PEX14: variants seen among roughly 807,000 people sequenced by gnomAD.
The protein encoded by PEX14 is peroxisomal membrane protein PEX14.
Under a neutral mutation model 49.5 loss-of-function variants are expected in PEX14, and 15 were observed. That is an observed-to-expected ratio of 0.30 (90% CI 0.20 to 0.47). The LOEUF (loss-of-function observed/expected upper bound fraction) is 0.47. Among genes scored for constraint, PEX14 ranks in the 20% least tolerant of loss-of-function variants. PEX14 has a pLI of 1.00. For missense variants in PEX14, 398 were observed against 494.8 expected (o/e 0.80, Z 1.86); for synonymous variants, 210 against 212.7 (o/e 0.99, Z 0.11).
At chr1:10,556,087 C>T (rs1055831927) in intron 3 of PEX14, among the ~76,000 whole-genome samples, 6 of 152,104 alleles carry the variant, frequency 3.9e-5, no homozygotes, top group African/African-American at 9.7e-5. Context: ...CCACTGAAAC[C>T]GCCTTCTGCA....
At chr1:10,528,407 A>G (rs1231713084) in intron 2 of PEX14, 1 of 392,580 alleles carries the variant, frequency 2.5e-6, no homozygotes, top group Non-Finnish European at 3.5e-6. Flanking sequence ...CCAGTGGTGG[A>G]GAGAAAGAGA....
chr1:10,528,342 C>T lies in PEX14; in HGVS notation c.85-7871C>T, dbSNP rs967207185. The T allele has an allele frequency of 8.3e-6, 8 of 963,526 alleles. No homozygotes were observed. In the African/African-American group the frequency reaches 1.4e-4, roughly 17 times the overall value. 59.7% of individuals were successfully genotyped at this position (963,526 alleles called of 1,614,324 possible). A position where few individuals can be genotyped will look rare whatever the true frequency, so the allele number is the denominator to read the frequency against. On this transcript the variant is annotated intron_variant, in intron 2 of 8. Transcript: ENST00000356607. ...CTGAAGCAGGGTTTCATCTGCTGAG[C>T]ATCTGAAGCTGCTGGAGGTTAGGAG...
intron 3 of PEX14, among the ~76,000 whole-genome samples, chr1:10,562,373 T>A (rs1367633906): frequency 6.6e-6 from 1 of 152,230 alleles, no homozygotes; most frequent in East Asian, 1.9e-4. Context: ...AGAAAAAGAT[T>A]TTTTTCTAGC....
At position 10,587,082 on chromosome 1, in the gene PEX14, C is replaced by T. The variant is rs557252542; in HGVS notation, c.170-12156C>T. 6.8e-4 allele frequency among the ~76,000 whole-genome samples: 103 copies of T among 152,106 alleles called. 2 individuals carry two copies. The South Asian group carries it at 0.017, about 25-fold the overall frequency. ...ATGGTAGTTACATAAGTGTGTTCACCGTGGGAAAATTCATTAAGCTGTACA... is the reference window on the plus strand; with the variant it reads ...ATGGTAGTTACATAAGTGTGTTCACTGTGGGAAAATTCATTAAGCTGTACA... On this transcript the variant is annotated intron_variant, in intron 3 of 8. Coordinates refer to ENST00000356607, the MANE Select transcript of PEX14 (RefSeq NM_004565.3).
At chr1:10,534,304 T>C (rs1174880983) in intron 2 of PEX14, among the ~76,000 whole-genome samples, 1 of 152,136 alleles carries the variant, frequency 6.6e-6, no homozygotes, top group Non-Finnish European at 1.5e-5. Context: ...GGCCAGTGAC[T>C]GGGTACCTGT....
rs987715153 is a variant in PEX14, at chr1:10,536,490, A to C, written c.169+193A>C. On this transcript the variant is annotated intron_variant, in intron 3 of 8. Coordinates refer to ENST00000356607, the MANE Select transcript of PEX14 (RefSeq NM_004565.3). ...TTCCTGACAATGGAGCGGCAAGATG[A>C]CACGATTCGGGTAATTAAGCACGGA... is the stretch of plus-strand genomic sequence containing the variant. 7.1e-4 allele frequency: 433 copies of C among 612,746 alleles called. 1 individual carries two copies. The highest frequency in any genetic ancestry group is 1.3e-4 in the Non-Finnish European group (43 of 335,752). 38.0% of individuals were successfully genotyped at this position (612,746 alleles called of 1,614,324 possible).
chr1:10,543,923 T>G (rs1639094656), intron 3 of PEX14, among the ~76,000 whole-genome samples: 1 of 152,006 alleles, frequency 6.6e-6, no homozygotes, highest in African/African-American at 2.4e-5. Flanking sequence ...GAAACTCTGT[T>G]TGAGGAAGTT....
intron 1 of PEX14, among the ~76,000 whole-genome samples, 167 bp downstream of exon 1, chr1:10,475,169 C>T (rs1641172728): frequency 6.6e-6 from 1 of 151,942 alleles, no homozygotes; most frequent in Non-Finnish European, 1.5e-5. Context: ...CCACCCGGCC[C>T]CTCCCCCCGG....
intron 5 of PEX14, among the ~76,000 whole-genome samples, chr1:10,621,884 C>G (rs536171391): frequency 6.6e-6 from 1 of 152,142 alleles, no homozygotes; most frequent in Non-Finnish European, 1.5e-5. Context: ...GTACAGAAAC[C>G]GTAATGGAGA....
rs535955791 is a variant in PEX14, at chr1:10,546,672, C to T, written c.169+10375C>T. ...ACAAGGTCAGGAGATTGAGACCATCCTGGCCAACACCGTGAAAACCTGTCT... is the reference window on the plus strand; with the variant it reads ...ACAAGGTCAGGAGATTGAGACCATCTTGGCCAACACCGTGAAAACCTGTCT... On this transcript the variant is annotated intron_variant, in intron 3 of 8. Transcript: ENST00000356607. 4.6e-5 allele frequency among the ~76,000 whole-genome samples: 7 copies of T among 151,056 alleles called. No homozygotes were observed. The East Asian group carries it at 9.7e-4, about 21-fold the overall frequency.
chr1:10,510,110 G>T (rs1425405863), intron 2 of PEX14, among the ~76,000 whole-genome samples: 1 of 151,986 alleles, frequency 6.6e-6, no homozygotes, highest in East Asian at 1.9e-4. Context: ...CACCAAGTTG[G>T]GCTTGACTAG....
chr1:10,507,618 G>A (rs1054110082), intron 2 of PEX14, among the ~76,000 whole-genome samples: 1 of 152,152 alleles, frequency 6.6e-6, no homozygotes, highest in Non-Finnish European at 1.5e-5. Flanking sequence ...TAGCTTCTAG[G>A]GGGCAGCAGC....
chr1:10,577,279 C>T lies in PEX14; in HGVS notation c.170-21959C>T, dbSNP rs192844523. On this transcript the variant is annotated intron_variant, in intron 3 of 8. Transcript: ENST00000356607. ...GGGCTTGGTGGCACATGCATGTAAT[C>T]CCAGCTACTTGGGAGGCTGAGGCAG... Among the ~76,000 whole-genome samples the T allele has an allele frequency of 5.9e-3, 888 of 150,294 alleles. 7 individuals are homozygous for T. The highest frequency in any genetic ancestry group is 0.02 in the African/African-American group (835 of 40,980).
intron 3 of PEX14, among the ~76,000 whole-genome samples, chr1:10,583,713 A>G (rs1196114141): frequency 6.6e-6 from 1 of 152,100 alleles, no homozygotes; most frequent in African/African-American, 2.4e-5. Flanking sequence ...GCTATTTTAA[A>G]TGGGATGGTT....
intron 2 of PEX14, among the ~76,000 whole-genome samples, chr1:10,532,730 G>A (rs1166976934): frequency 6.6e-6 from 1 of 152,172 alleles, no homozygotes; most frequent in Admixed American, 6.5e-5. Context: ...CCCATGAATA[G>A]TCACATTCAT....
intron 4 of PEX14, 35 bp from the exon 5 acceptor site, chr1:10,618,297 G>A (rs770193072): frequency 1.3e-6 from 2 of 1,570,472 alleles, no homozygotes; most frequent in Non-Finnish European, 1.8e-6. Context: ...GACGCCATGT[G>A]CGTCTTCTAA....
At chr1:10,487,825 G>A (rs562383924) in intron 1 of PEX14, among the ~76,000 whole-genome samples, 5 of 151,000 alleles carry the variant, frequency 3.3e-5, no homozygotes, top group South Asian at 2.1e-4. Flanking sequence ...CTGTTGCCTC[G>A]GCTGGAGTGC....
rs1641883015 is a variant in PEX14, at chr1:10,630,194, C to T, written c.*207C>T. ...CCTCTCGCCTGGCCGCCAGCCCCAG[C>T]CCCAGCCCCAGCCCCAGGCCCAGCT... is the stretch of plus-strand genomic sequence containing the variant. On this transcript the variant is annotated 3_prime_UTR_variant, in exon 9 of 9. Coordinates refer to ENST00000356607, the MANE Select transcript of PEX14 (RefSeq NM_004565.3). This position sits in a 1 kb window ranked among gnomAD's most constrained non-coding sequence, Gnocchi z 4.1. 2.8e-6 allele frequency: 2 copies of T among 716,056 alleles called. No individual in the cohort carries two copies. The highest frequency in any genetic ancestry group is 3.8e-5 in the South Asian group (2 of 52,038). The allele number at this position is 716,056 out of a possible 1,614,324, so 44.4% of individuals were successfully genotyped here.
intron 3 of PEX14, among the ~76,000 whole-genome samples, chr1:10,569,906 T>C (rs1298798348): frequency 1.3e-5 from 2 of 152,228 alleles, no homozygotes; most frequent in South Asian, 2.1e-4. Flanking sequence ...TTCTGAAATT[T>C]CACAGTGATG....
Sources: gnomAD v4.1 joint callset for allele counts (sites outside exome capture counted in the v4.1 genomes callset) on GRCh38, gnomAD v4.1.1 for gene constraint, Gnocchi (gnomAD v3.1) non-coding constraint, MANE v1.5 for transcripts, NCBI Gene and HGNC (gene_info 2026-07-23, HGNC 2026-07-21) for gene names.